TMTC2: variants seen among roughly 807,000 people sequenced by gnomAD.
The protein encoded by TMTC2 is transmembrane O-mannosyltransferase targeting cadherins 2, also known as protein O-mannosyl-transferase TMTC2.
Under a neutral mutation model 82.4 loss-of-function variants are expected in TMTC2, and 43 were observed. That is an observed-to-expected ratio of 0.52 (90% CI 0.41 to 0.67). The LOEUF (loss-of-function observed/expected upper bound fraction) is 0.67, where lower values mean the gene tolerates loss of function less well. Ranked by LOEUF, TMTC2 falls within the 30% of genes least tolerant of loss-of-function variation. The pLI is 0.00. For synonymous variants in TMTC2, 408 were observed against 381.9 expected (o/e 1.07, Z -0.80); for missense variants, 919 against 1,012.4 (o/e 0.91, Z 1.25).
chr12:82,761,853 A>G (rs116631192), intron 1 of TMTC2, among the ~76,000 whole-genome samples: 248 of 140,676 alleles, frequency 1.8e-3, no homozygotes, highest in African/African-American at 6.2e-3. Flanking sequence ...GAAAATATTC[A>G]TTGACTGTTT....
intron 9 of TMTC2, among the ~76,000 whole-genome samples, chr12:83,049,567 TG>T (rs1377679909): frequency 6.6e-6 from 1 of 152,240 alleles, no homozygotes; most frequent in African/African-American, 2.4e-5. Context: ...CTACCATTGA[TG>T]AGCATTTAGG....
intron 11 of TMTC2, among the ~76,000 whole-genome samples, chr12:83,087,366 A>G (rs1883697980): frequency 6.6e-6 from 1 of 152,202 alleles, no homozygotes; most frequent in Non-Finnish European, 1.5e-5. Context: ...GTTGGAATTA[A>G]CTTCTTCCTA....
intron 3 of TMTC2, among the ~76,000 whole-genome samples, chr12:82,898,764 G>A (rs1381171605): frequency 6.6e-6 from 1 of 152,140 alleles, no homozygotes; most frequent in East Asian, 1.9e-4. Context: ...CACCATGCTT[G>A]TTCACAGACC....
At chr12:82,915,266 T>G (rs1275700823) in intron 3 of TMTC2, among the ~76,000 whole-genome samples, 1 of 152,196 alleles carries the variant, frequency 6.6e-6, no homozygotes, top group Non-Finnish European at 1.5e-5. Flanking sequence ...CTTATTAGTG[T>G]TATCATCTAT....
chr12:82,974,330 C>T (rs1408899082), intron 7 of TMTC2, among the ~76,000 whole-genome samples: 1 of 152,114 alleles, frequency 6.6e-6, no homozygotes, highest in African/African-American at 2.4e-5. Flanking sequence ...TACTCAGTAG[C>T]AAATACAGGT....
intron 1 of TMTC2, among the ~76,000 whole-genome samples, chr12:82,827,621 G>A (rs887100085): frequency 1.3e-5 from 2 of 152,088 alleles, no homozygotes; most frequent in African/African-American, 2.4e-5. Context: ...AATGATGTCT[G>A]TGCTCAGTAT....
In TMTC2 at chr12:82,701,885, T is replaced by G. The variant is rs565187604; in HGVS notation, c.83+14216T>G. On this transcript the variant is annotated intron_variant, in intron 1 of 11. Coordinates refer to ENST00000321196, the MANE Select transcript of TMTC2 (RefSeq NM_152588.3). ...ATGTATTAACTTAAAATGTTAACAATTTTTTCTTTCCTCTTCACCCCCATT... is the reference window on the plus strand; with the variant it reads ...ATGTATTAACTTAAAATGTTAACAAGTTTTTCTTTCCTCTTCACCCCCATT... 9.8e-5 allele frequency among the ~76,000 whole-genome samples: 15 copies of G among 152,290 alleles called. No individual in the cohort carries two copies. The South Asian group carries it at 2.9e-3, about 30-fold the overall frequency.
intron 1 of TMTC2, among the ~76,000 whole-genome samples, chr12:82,700,885 T>C (rs952712538): frequency 3.3e-5 from 5 of 152,182 alleles, no homozygotes; most frequent in African/African-American, 1.2e-4. Flanking sequence ...CTCACAATCA[T>C]GGCAGAAGGT....
At chr12:82,934,280 G>T (rs887495608) in intron 4 of TMTC2, among the ~76,000 whole-genome samples, 7 of 152,086 alleles carry the variant, frequency 4.6e-5, no homozygotes, top group Non-Finnish European at 7.4e-5. Flanking sequence ...TGCAAAACGT[G>T]CAGGTTTGTT....
chr12:82,774,358 C>G (rs774360010), intron 1 of TMTC2, among the ~76,000 whole-genome samples: 2 of 152,012 alleles, frequency 1.3e-5, no homozygotes, highest in African/African-American at 4.8e-5. Context: ...TGGTGGCTCA[C>G]GCCTATAATC....
In TMTC2 at chr12:83,075,668, C is replaced by T. The variant is rs542997698; in HGVS notation, c.2331+13837C>T. On this transcript the variant is annotated intron_variant, in intron 11 of 11. Transcript: ENST00000321196. ...ACATTGTTATTACATATATTTTTTG[C>T]CATGTCAGTAGAAATTAAGTACCTA... Among the ~76,000 whole-genome samples the T allele has an allele frequency of 1.6e-4, 24 of 152,226 alleles. No individual in the cohort carries two copies. In the South Asian group the frequency reaches 4.8e-3, roughly 30 times the overall value.
At chr12:82,811,976 C>T (rs1868420285) in intron 1 of TMTC2, among the ~76,000 whole-genome samples, 1 of 151,832 alleles carries the variant, frequency 6.6e-6, no homozygotes, top group African/African-American at 2.4e-5. Context: ...TGTCACCACA[C>T]CTGGCTAATT....
At chr12:82,981,328 A>T (rs950064691) in intron 7 of TMTC2, among the ~76,000 whole-genome samples, 1 of 151,862 alleles carries the variant, frequency 6.6e-6, no homozygotes, top group African/African-American at 2.4e-5. Flanking sequence ...AGACTATTAC[A>T]TCATCAACAA....
At chr12:82,899,806 T>TAC (rs1319028563) in intron 3 of TMTC2, among the ~76,000 whole-genome samples, 9 of 145,322 alleles carry the variant, frequency 6.2e-5, no homozygotes, top group Admixed American at 2.8e-4. Flanking sequence ...GGAATATATA[T>TAC]ATATCCGGAA....
intron 2 of TMTC2, among the ~76,000 whole-genome samples, chr12:82,885,617 C>G (rs752605731): frequency 1.3e-5 from 2 of 152,020 alleles, no homozygotes; most frequent in Non-Finnish European, 2.9e-5. Flanking sequence ...TGATTCCCCC[C>G]ACCTTTGCCT....
intron 4 of TMTC2, among the ~76,000 whole-genome samples, chr12:82,945,992 T>C (rs540945146): frequency 1.2e-4 from 18 of 152,348 alleles, no homozygotes; most frequent in African/African-American, 4.1e-4. Context: ...ACATTATTTC[T>C]ATAGCTAAAT....
At chr12:82,927,609 A>G (rs1875794621) in intron 3 of TMTC2, among the ~76,000 whole-genome samples, 1 of 152,232 alleles carries the variant, frequency 6.6e-6, no homozygotes, top group Non-Finnish European at 1.5e-5. Context: ...ATCAAATAAC[A>G]TCACCTGTTA....
chr12:82,959,376 A>C (rs1026626054), intron 4 of TMTC2, among the ~76,000 whole-genome samples: 4 of 152,170 alleles, frequency 2.6e-5, no homozygotes, highest in Non-Finnish European at 5.9e-5. Context: ...AGTAATTCTA[A>C]GCAAAAAGAA....
At chr12:82,840,530 T>C (rs1031945704) in intron 1 of TMTC2, among the ~76,000 whole-genome samples, 3 of 152,230 alleles carry the variant, frequency 2.0e-5, no homozygotes, top group African/African-American at 7.2e-5. Flanking sequence ...AGAAAAAATA[T>C]TATTTTATTG....
Sources: gnomAD v4.1 joint callset for allele counts (sites outside exome capture counted in the v4.1 genomes callset) on GRCh38, gnomAD v4.1.1 for gene constraint, MANE v1.5 for transcripts, NCBI Gene and HGNC (gene_info 2026-07-23, HGNC 2026-07-21) for gene names.